Variants in DPYD observed in about 807,000 individuals in gnomAD.
DPYD encodes dihydropyrimidine dehydrogenase.
Under a neutral mutation model 116.2 loss-of-function variants are expected in DPYD, and 109 were observed. The observed-to-expected ratio is 0.94, with a 90% CI of 0.80 to 1.10. DPYD has a LOEUF of 1.10. Ranked by LOEUF, DPYD falls within the 50% of genes least tolerant of loss-of-function variation. The probability of loss-of-function intolerance (pLI) is 0.00; values close to 1 mark genes in which losing one functional copy is unlikely to be tolerated. For missense variants in DPYD, 1,302 were observed against 1,254.5 expected, an observed-to-expected ratio of 1.04 and a Z score of -0.57; for synonymous variants, 440 against 432.0, an observed-to-expected ratio of 1.02 and a Z score of -0.23.
chr1:97,148,849 G>C (rs116160544), intron 20 of DPYD, among the ~76,000 whole-genome samples: 261 of 152,252 alleles, frequency 1.7e-3, no homozygotes, highest in African/African-American at 6.0e-3. Context: ...TCCTTTACAA[G>C]TATATCCTTT....
chr1:97,235,045 A>G, intron 18 of DPYD, 51 bp from the exon 19 acceptor site: 1 of 1,605,124 alleles, frequency 6.2e-7, no homozygotes, highest in Non-Finnish European at 8.5e-7. Flanking sequence ...ACTTGAGTAT[A>G]CTGTCTTATA....
Position 97,664,806 on chromosome 1 carries a change from C to T in DPYD, c.850+14289G>A, listed in dbSNP as rs1659470683. Among the ~76,000 whole-genome samples the T allele has an allele frequency of 2.6e-5, 4 of 152,076 alleles. No individual in the cohort carries two copies. The South Asian group carries it at 8.3e-4, about 32-fold the overall frequency. On this transcript the variant is annotated intron_variant, in intron 8 of 22. Transcript: ENST00000370192. ...TTTTTCCTTACTCTGCCACCTCAAG[C>T]TTCCAGTTTTCAGAAAAAATGACTA... is the stretch of plus-strand genomic sequence containing the variant.
At chr1:97,592,316 C>A (rs546708240) in intron 10 of DPYD, among the ~76,000 whole-genome samples, 11 of 152,192 alleles carry the variant, frequency 7.2e-5, no homozygotes, top group African/African-American at 2.6e-4. Context: ...CGATACCTCA[C>A]CCAAGACTAC....
intron 12 of DPYD, among the ~76,000 whole-genome samples, chr1:97,529,383 A>G (rs987029783): frequency 4.6e-4 from 70 of 152,192 alleles, no homozygotes; most frequent in African/African-American, 1.7e-3. Context: ...AAAGTAGTCT[A>G]TTTTATTTAT....
At chr1:97,351,895 A>G (rs1670165684) in intron 16 of DPYD, among the ~76,000 whole-genome samples, 1 of 152,174 alleles carries the variant, frequency 6.6e-6, no homozygotes, top group Non-Finnish European at 1.5e-5. Context: ...TTTTGATGTA[A>G]CTCACTTATA....
At chr1:97,449,722 A>T (rs937620538) in intron 14 of DPYD, among the ~76,000 whole-genome samples, 4 of 152,174 alleles carry the variant, frequency 2.6e-5, no homozygotes, top group African/African-American at 9.7e-5. Flanking sequence ...TATAGTTTAC[A>T]ATTTCTTCCT....
At chr1:97,799,214 C>G (rs1472109184) in intron 3 of DPYD, among the ~76,000 whole-genome samples, 1 of 151,878 alleles carries the variant, frequency 6.6e-6, no homozygotes. Context: ...TACACCTCCT[C>G]TAGCCCTATA....
At chr1:97,910,091 T>C (rs1272295248) in intron 1 of DPYD, among the ~76,000 whole-genome samples, 2 of 152,056 alleles carry the variant, frequency 1.3e-5, no homozygotes, top group South Asian at 4.1e-4. Context: ...GACTACCATG[T>C]GAAAAAAGAC....
chr1:97,920,741 C>G, intron 1 of DPYD, 143 bp downstream of exon 1: 2 of 1,230,856 alleles, frequency 1.6e-6, no homozygotes, highest in Non-Finnish European at 2.3e-6. Context: ...CTCCTCCGCT[C>G]CCCCGCAGAG....
intron 20 of DPYD, among the ~76,000 whole-genome samples, chr1:97,161,030 G>A (rs1420090815): frequency 1.3e-5 from 2 of 152,098 alleles, no homozygotes; most frequent in Admixed American, 6.6e-5. Context: ...TTGAGCCGGC[G>A]TTTTAGCATA....
At chr1:97,481,115 T>C (rs1231501449) in intron 13 of DPYD, among the ~76,000 whole-genome samples, 3 of 152,272 alleles carry the variant, frequency 2.0e-5, no homozygotes, top group African/African-American at 7.2e-5. Flanking sequence ...TCAATAGAAA[T>C]GTAGTCAAAG....
intron 18 of DPYD, among the ~76,000 whole-genome samples, chr1:97,258,801 C>A (rs573774422): frequency 2.0e-5 from 3 of 151,962 alleles, no homozygotes; most frequent in Non-Finnish European, 4.4e-5. Context: ...TGCATAAGGA[C>A]CAGAAGGACA....
intron 14 of DPYD, among the ~76,000 whole-genome samples, chr1:97,443,400 T>C (rs1346106266): frequency 6.6e-6 from 1 of 152,160 alleles, no homozygotes; most frequent in Admixed American, 6.6e-5. Context: ...CTACGTAAGC[T>C]CTAGCACAAA....
chr1:97,598,100 T>C (rs1305924144), intron 8 of DPYD, among the ~76,000 whole-genome samples: 1 of 152,198 alleles, frequency 6.6e-6, no homozygotes, highest in Non-Finnish European at 1.5e-5. Context: ...ATTCTATAAT[T>C]TATCAATTAT....
chr1:97,608,954 C>T (rs1385919020), intron 8 of DPYD, among the ~76,000 whole-genome samples: 1 of 151,680 alleles, frequency 6.6e-6, no homozygotes, highest in East Asian at 1.9e-4. Context: ...TACCAATTCA[C>T]GAATTATACT....
intron 12 of DPYD, among the ~76,000 whole-genome samples, chr1:97,533,097 G>C (rs1649754786): frequency 6.6e-6 from 1 of 151,042 alleles, no homozygotes; most frequent in South Asian, 2.1e-4. Flanking sequence ...TTTTGTTTTA[G>C]TTTGTCCTGA....
intron 16 of DPYD, among the ~76,000 whole-genome samples, chr1:97,330,535 T>C (rs1489240180): frequency 1.3e-5 from 2 of 152,180 alleles, no homozygotes; most frequent in Non-Finnish European, 2.9e-5. Flanking sequence ...AAGACAAAGC[T>C]ACTTTTCTCA....
chr1:97,448,894 GTATTT>G (rs1480478273), intron 14 of DPYD, among the ~76,000 whole-genome samples: 1 of 151,714 alleles, frequency 6.6e-6, no homozygotes, highest in Non-Finnish European at 1.5e-5. Context: ...TTTCAAGTTA[GTATTT>G]TATTTTATTT....
intron 20 of DPYD, among the ~76,000 whole-genome samples, chr1:97,120,896 T>C (rs563144970): frequency 1.7e-4 from 26 of 152,304 alleles, no homozygotes; most frequent in Non-Finnish European, 3.4e-4. Flanking sequence ...ATGCCAAGTG[T>C]CTAAGTATGT....
Sources: gnomAD v4.1 joint callset for allele counts (sites outside exome capture counted in the v4.1 genomes callset) on GRCh38, gnomAD v4.1.1 for gene constraint, MANE v1.5 for transcripts, NCBI Gene and HGNC (gene_info 2026-07-23, HGNC 2026-07-21) for gene names.